The following PDE4B variants were observed in gnomAD, a reference collection of about 807,000 sequenced individuals.
The protein encoded by PDE4B is 3',5'-cyclic-AMP phosphodiesterase 4B.
In PDE4B, 20 loss-of-function variants were observed where a neutral mutation model predicts 82.2. The observed-to-expected ratio is 0.24, with a 90% CI of 0.17 to 0.35. PDE4B has a LOEUF of 0.35. Ranked by LOEUF, PDE4B falls within the 10% of genes least tolerant of loss-of-function variation. The pLI is 1.00. For synonymous variants in PDE4B, 320 were observed against 318.9 expected, an observed-to-expected ratio of 1.00 and a Z score of -0.04; for missense variants, 655 against 907.2, an observed-to-expected ratio of 0.72 and a Z score of 3.57.
intron 1 of PDE4B, among the ~76,000 whole-genome samples, chr1:65,902,154 G>C (rs750236854): frequency 6.6e-6 from 1 of 151,982 alleles, no homozygotes; most frequent in Non-Finnish European, 1.5e-5. Context: ...AGAGTATGGT[G>C]GGTATGATCT....
chr1:66,155,132 G>GA (rs967436619), intron 3 of PDE4B, among the ~76,000 whole-genome samples: 6 of 151,978 alleles, frequency 3.9e-5, no homozygotes, highest in African/African-American at 1.2e-4. Context: ...TCTGTCTCTG[G>GA]AAAAAAAGAA....
At chr1:66,102,382 A>T (rs2101024776) in intron 3 of PDE4B, among the ~76,000 whole-genome samples, 1 of 152,228 alleles carries the variant, frequency 6.6e-6, no homozygotes, top group South Asian at 2.1e-4. Flanking sequence ...TACCAGACAG[A>T]CTGAATTCTG....
At chr1:66,013,673 CT>C (rs747480077) in intron 3 of PDE4B, among the ~76,000 whole-genome samples, 1 of 151,920 alleles carries the variant, frequency 6.6e-6, no homozygotes, top group East Asian at 1.9e-4. Context: ...GAAACCACCA[CT>C]TTTTAAAAAA....
chr1:66,191,835 G>C (rs1192896365), intron 3 of PDE4B, among the ~76,000 whole-genome samples: 1 of 152,120 alleles, frequency 6.6e-6, no homozygotes, highest in African/African-American at 2.4e-5. Flanking sequence ...CAGCAGACCA[G>C]GGGGAATGAG....
intron 3 of PDE4B, among the ~76,000 whole-genome samples, chr1:66,172,881 T>C (rs1646863965): frequency 1.3e-5 from 2 of 152,218 alleles, no homozygotes; most frequent in South Asian, 4.1e-4. Flanking sequence ...CACTTATCCA[T>C]TGAAATGGTT....
intron 7 of PDE4B, among the ~76,000 whole-genome samples, chr1:66,281,064 G>A (rs1656268875): frequency 1.3e-5 from 2 of 152,278 alleles, no homozygotes; most frequent in Admixed American, 6.5e-5. Flanking sequence ...CCTTCCAAGT[G>A]CAGTTTCCTG....
intron 1 of PDE4B, among the ~76,000 whole-genome samples, chr1:65,896,703 A>G (rs377465699): frequency 6.6e-6 from 1 of 152,210 alleles, no homozygotes; most frequent in Admixed American, 6.6e-5. Context: ...ATGATTATAT[A>G]TAGTCTGAAA....
At chr1:66,249,974 T>C (rs2101682455) in intron 4 of PDE4B, among the ~76,000 whole-genome samples, 1 of 152,274 alleles carries the variant, frequency 6.6e-6, no homozygotes, top group East Asian at 1.9e-4. Context: ...AAAAAAACTT[T>C]TATATATTTG....
intron 4 of PDE4B, among the ~76,000 whole-genome samples, chr1:66,254,254 G>A (rs1570564292): frequency 1.3e-5 from 2 of 152,002 alleles, no homozygotes; most frequent in Non-Finnish European, 2.9e-5. Context: ...AAGCAAGAAA[G>A]CAAGAAAGAA....
chr1:66,256,659 C>T (rs1654254619), intron 4 of PDE4B, among the ~76,000 whole-genome samples: 1 of 152,154 alleles, frequency 6.6e-6, no homozygotes, highest in African/African-American at 2.4e-5. Context: ...GACTCTGGAG[C>T]CCCAGGCCTC....
rs111913061 is a variant in PDE4B, at chr1:66,256,080, G to A, written c.477-1567G>A. Among the ~76,000 whole-genome samples, 706 of 152,314 alleles carry A rather than the reference G, an allele frequency of 4.6e-3. 3 individuals carry two copies. The highest frequency in any genetic ancestry group is 0.016 in the African/African-American group (651 of 41,576). On this transcript the variant is annotated intron_variant, in intron 4 of 16. Coordinates refer to ENST00000341517, the MANE Select transcript of PDE4B (RefSeq NM_002600.4). ...TAGTCCCAGCTACTCCAGAGTCTGA[G>A]GTGGGAGGATTGCTTGAGCCTGGAG...
chr1:66,323,066 G>C (rs1182819768), intron 7 of PDE4B, among the ~76,000 whole-genome samples: 1 of 152,104 alleles, frequency 6.6e-6, no homozygotes, highest in African/African-American at 2.4e-5. Flanking sequence ...ATTGCAGCCA[G>C]AGGGATCTTT....
intron 3 of PDE4B, among the ~76,000 whole-genome samples, chr1:66,003,327 G>A (rs896078699): frequency 7.1e-6 from 1 of 141,334 alleles, no homozygotes; most frequent in Non-Finnish European, 1.5e-5. Flanking sequence ...TTATTGTCTT[G>A]TTTTGCTCTC....
At chr1:65,797,714 C>T (rs969687834) in intron 1 of PDE4B, among the ~76,000 whole-genome samples, 5 of 152,140 alleles carry the variant, frequency 3.3e-5, no homozygotes, top group Admixed American at 2.6e-4. Context: ...TGGCAGGATT[C>T]CTGGTGCCAG....
chr1:65,930,227 G>T (rs764968997), intron 3 of PDE4B, among the ~76,000 whole-genome samples: 1 of 152,136 alleles, frequency 6.6e-6, no homozygotes, highest in Non-Finnish European at 1.5e-5. Flanking sequence ...TCATTAGATT[G>T]TGCCCACCAG....
At chr1:65,827,044 G>T (rs1166649285) in intron 1 of PDE4B, among the ~76,000 whole-genome samples, 1 of 152,176 alleles carries the variant, frequency 6.6e-6, no homozygotes, top group Non-Finnish European at 1.5e-5. Context: ...TATCACTAGA[G>T]AAATTTGAAT....
intron 1 of PDE4B, among the ~76,000 whole-genome samples, chr1:65,818,685 C>CACACACATATATATATATATATATATAT (rs141035147): frequency 7.7e-5 from 11 of 143,762 alleles, no homozygotes; most frequent in African/African-American, 2.8e-4. Flanking sequence ...CACACACACA[C>CACACACATATATATATATATATATATAT]ATATATATAT....
intron 6 of PDE4B, among the ~76,000 whole-genome samples, chr1:66,259,849 T>C (rs368694041): frequency 1.3e-5 from 2 of 152,192 alleles, no homozygotes; most frequent in East Asian, 1.9e-4. Flanking sequence ...CTTCTCTATG[T>C]TTTTTTCTTT....
At chr1:65,817,774 A>G (rs956319166) in intron 1 of PDE4B, among the ~76,000 whole-genome samples, 1 of 152,216 alleles carries the variant, frequency 6.6e-6, no homozygotes, top group African/African-American at 2.4e-5. Context: ...AAAAACAATT[A>G]TGTATAATAA....
Sources: allele counts gnomAD v4.1 joint callset (sites outside exome capture counted in the v4.1 genomes callset), GRCh38; gene constraint gnomAD v4.1.1; transcripts MANE v1.5; gene names NCBI Gene and HGNC (gene_info 2026-07-23, HGNC 2026-07-21).